The following MYO10 variants were observed in gnomAD, a reference collection of about 807,000 sequenced individuals.
MYO10 encodes the protein myosin X.
In MYO10, 133 loss-of-function variants were observed where a neutral mutation model predicts 257.3. The observed-to-expected ratio is 0.52, with a 90% CI of 0.45 to 0.60. MYO10 has a LOEUF of 0.60. Ranked by LOEUF, MYO10 falls within the 20% of genes least tolerant of loss-of-function variation. The pLI is 0.00. For missense variants in MYO10, 2,399 were observed against 2,635.7 expected (o/e 0.91, Z 1.97); for synonymous variants, 1,104 against 1,028.6 (o/e 1.07, Z -1.40).
At chr5:16,808,242 C>T (rs1205833440) in intron 3 of MYO10, among the ~76,000 whole-genome samples, 1 of 152,116 alleles carries the variant, frequency 6.6e-6, no homozygotes. Flanking sequence ...GTGGGAGGAT[C>T]GCTTGAGGCC....
chr5:16,871,493 G>C (rs1024647262), intron 2 of MYO10, among the ~76,000 whole-genome samples: 2 of 152,132 alleles, frequency 1.3e-5, no homozygotes, highest in Non-Finnish European at 1.5e-5. Context: ...CGTGGTCCCA[G>C]CTACTAGGGA....
At chr5:16,770,533 T>C (rs928871108) in intron 9 of MYO10, among the ~76,000 whole-genome samples, 2 of 152,138 alleles carry the variant, frequency 1.3e-5, no homozygotes, top group African/African-American at 4.8e-5. Context: ...AGGAGCTGCA[T>C]TCTTGTGACC....
At chr5:16,822,895 G>A (rs1244289197) in intron 2 of MYO10, among the ~76,000 whole-genome samples, 1 of 151,606 alleles carries the variant, frequency 6.6e-6, no homozygotes, top group Non-Finnish European at 1.5e-5. Flanking sequence ...CACTGTGTTA[G>A]CCAGGACGGT....
intron 2 of MYO10, among the ~76,000 whole-genome samples, chr5:16,874,191 G>C (rs1744527558): frequency 1.3e-5 from 2 of 151,914 alleles, no homozygotes; most frequent in African/African-American, 4.8e-5. Flanking sequence ...AAAATTAGCT[G>C]GGCATGGTGG....
chr5:16,849,349 G>A (rs1743732763), intron 2 of MYO10, among the ~76,000 whole-genome samples: 1 of 152,136 alleles, frequency 6.6e-6, no homozygotes, highest in Non-Finnish European at 1.5e-5. Context: ...TCTTCAAAGT[G>A]GCAAAGTCAC....
chr5:16,769,064 A>T lies in MYO10; in HGVS notation c.1060+10T>A, dbSNP rs954362486. On this transcript the variant is annotated intron_variant, in intron 10 of 40. Coordinates refer to ENST00000513610, the MANE Select transcript of MYO10 (RefSeq NM_012334.3). ...AAGGGAGCGAGGAGGGCAGGCAGGCATAATCTTACCTGTTTTGAAGGAAAC... is the reference window on the plus strand; with the variant it reads ...AAGGGAGCGAGGAGGGCAGGCAGGCTTAATCTTACCTGTTTTGAAGGAAAC... The T allele has an allele frequency of 1.2e-6, 2 of 1,605,304 alleles. No individual in the cohort carries two copies. The highest frequency in any genetic ancestry group is 1.1e-5 in the South Asian group (1 of 88,916).
chr5:16,731,667 T>C (rs767126131), intron 19 of MYO10, among the ~76,000 whole-genome samples: 1 of 152,210 alleles, frequency 6.6e-6, no homozygotes, highest in African/African-American at 2.4e-5. Flanking sequence ...CTTCTTGATA[T>C]TGTCCAGCAA....
At chr5:16,713,304 C>T in intron 19 of MYO10, 1 of 985,688 alleles carries the variant, frequency 1.0e-6, no homozygotes, top group Non-Finnish European at 1.2e-6. Flanking sequence ...AGGGCCTCCC[C>T]ATCCAAAAAG....
intron 1 of MYO10, among the ~76,000 whole-genome samples, chr5:16,910,071 C>T (rs1285456470): frequency 6.6e-6 from 1 of 152,106 alleles, no homozygotes; most frequent in African/African-American, 2.4e-5. Flanking sequence ...ATTACTCAGC[C>T]TCAGGTATTC....
At chr5:16,819,420 C>T (rs1742733983) in intron 2 of MYO10, among the ~76,000 whole-genome samples, 1 of 152,122 alleles carries the variant, frequency 6.6e-6, no homozygotes, top group African/African-American at 2.4e-5. Context: ...AAAGCTTGAC[C>T]AGCTTTACAA....
At chr5:16,780,657 T>C (rs377152869) in intron 7 of MYO10, 49 bp from the exon 8 acceptor site, 1 of 1,549,516 alleles carries the variant, frequency 6.5e-7, no homozygotes, top group Non-Finnish European at 8.8e-7. Flanking sequence ...CTGTGCTTAA[T>C]TCACACAAAC....
intron 1 of MYO10, among the ~76,000 whole-genome samples, chr5:16,909,919 C>T (rs1025914410): frequency 2.0e-5 from 3 of 152,084 alleles, no homozygotes; most frequent in African/African-American, 4.8e-5. Flanking sequence ...CCTCTCTCAC[C>T]GTGTGATCTG....
At chr5:16,826,446 C>G (rs756590553) in intron 2 of MYO10, among the ~76,000 whole-genome samples, 18 of 152,164 alleles carry the variant, frequency 1.2e-4, no homozygotes, top group Non-Finnish European at 2.2e-4. Flanking sequence ...GTAGCAATTC[C>G]TATCAGGGGA....
chr5:16,701,634 CCTGCAGCTT>C lies in MYO10; in HGVS notation c.2752_2760del (p.Lys918_Gln920del). The C allele has an allele frequency of 6.2e-7, 1 of 1,613,776 alleles. No homozygotes were observed. Among genetic ancestry groups the C allele is most frequent in the East Asian group, 2.2e-5 (1 of 44,852 alleles). The stretch of plus-strand genomic sequence containing the variant: ...CTGCGGAGCTCCTGGTCCCGCCGCT[CCTGCAGCTT>C]CTGCAGGGAAGCCTCGGTCAGCGAC... On this transcript the variant is annotated inframe_deletion, in exon 25 of 41. Coordinates refer to ENST00000513610, the MANE Select transcript of MYO10 (RefSeq NM_012334.3). The surrounding 1 kb of genome is among the most constrained non-coding windows in gnomAD (Gnocchi z 8.1).
At chr5:16,685,140 ATTTC>A (rs1236144704) in intron 29 of MYO10, among the ~76,000 whole-genome samples, 1 of 152,106 alleles carries the variant, frequency 6.6e-6, no homozygotes, top group Non-Finnish European at 1.5e-5. Context: ...AAGTAGGATT[ATTTC>A]TTTTGTTCTT....
intron 1 of MYO10, among the ~76,000 whole-genome samples, chr5:16,915,218 T>G (rs1416508128): frequency 6.6e-6 from 1 of 152,208 alleles, no homozygotes; most frequent in African/African-American, 2.4e-5. Context: ...GAGTACTTTC[T>G]GAAGTCAGAG....
rs761409999 is a variant in MYO10, at chr5:16,676,122, C to G, written c.4575G>C (p.Gln1525His). The G allele has an allele frequency of 1.2e-5, 20 of 1,613,206 alleles. No individual in the cohort carries two copies. Among genetic ancestry groups the G allele is most frequent in the Non-Finnish European group, 5.1e-6 (6 of 1,179,670 alleles). The part of the protein sequence containing the change: ...ENCLNSDVVE[Q>H]IYKRNPILRY... ...GAAGGATCGGGTTCCGCTTGTAAAT[C>G]TGTTCCACCACATCCGAGTTCAGGC... Residue 1525 changes from glutamine (Q) to histidine (H), a missense_variant, in exon 34 of 41, where the codon CAG (glutamine) becomes CAC (histidine). By Grantham distance (24) the Gln-to-His change is conservative. Transcript: ENST00000513610.
At chr5:16,826,322 T>C (rs900259785) in intron 2 of MYO10, among the ~76,000 whole-genome samples, 2 of 152,126 alleles carry the variant, frequency 1.3e-5, no homozygotes, top group Non-Finnish European at 2.9e-5. Context: ...ATTTTCTCCG[T>C]CTGTAAAATA....
At position 16,662,115 on chromosome 5, in the gene MYO10, C is replaced by T. The variant is rs1258340047; in HGVS notation, c.*4577G>A. The T allele has an allele frequency of 6.6e-6, 1 of 152,058 alleles. No individual in the cohort carries two copies. Among genetic ancestry groups the T allele is most frequent in the Non-Finnish European group, 1.5e-5 (1 of 68,004 alleles). 9.4% of individuals were successfully genotyped at this position (152,058 alleles called of 1,614,324 possible). On this transcript the variant is annotated 3_prime_UTR_variant, in exon 41 of 41. Transcript: ENST00000513610. ...TTATAAATGTACTGGCTAAATTTAG[C>T]TTTATGCACTTGTTTTGTCCCCTAT...
Sources: allele counts gnomAD v4.1 joint callset (sites outside exome capture counted in the v4.1 genomes callset), GRCh38; gene constraint gnomAD v4.1.1; non-coding constraint Gnocchi (gnomAD v3.1); transcripts MANE v1.5; gene names NCBI Gene and HGNC (gene_info 2026-07-23, HGNC 2026-07-21).